The following MDM4 variants were observed in gnomAD, a reference collection of about 807,000 sequenced individuals.
MDM4 encodes MDM4 regulator of p53, also known as protein Mdm4.
MDM4 carries 2 observed loss-of-function variants against 60.2 expected under a neutral mutation model. The observed-to-expected ratio is 0.03, with a 90% CI of 0.01 to 0.10. The LOEUF (loss-of-function observed/expected upper bound fraction) is 0.10. MDM4 is among the 10% of genes least tolerant of loss of function. MDM4 has a pLI of 1.00. For synonymous variants in MDM4, 202 were observed against 198.1 expected (o/e 1.02, Z -0.17); for missense variants, 447 against 577.5 (o/e 0.77, Z 2.32).
chr1:204,542,954 A>G lies in MDM4; in HGVS notation c.672+10A>G. On this transcript the variant is annotated intron_variant, in intron 8 of 10. Coordinates refer to ENST00000367182, the MANE Select transcript of MDM4 (RefSeq NM_002393.5). Reference sequence around the variant, plus strand: ...TTTACAGACAAATCAGGTAAATTTCACATTTGAAGGGAAGTGGTTTTTTTT... The same window carrying G: ...TTTACAGACAAATCAGGTAAATTTCGCATTTGAAGGGAAGTGGTTTTTTTT... 6.2e-7 allele frequency: 1 copy of G among 1,604,146 alleles called. No individual in the cohort carries two copies. Among genetic ancestry groups the G allele is most frequent in the Non-Finnish European group, 8.5e-7 (1 of 1,175,792 alleles).
chr1:204,529,649 T>TG, intron 3 of MDM4: 1 of 835,180 alleles, frequency 1.2e-6, no homozygotes, highest in Non-Finnish European at 1.8e-6. Context: ...TCCTGGCGCT[T>TG]GCCCTGCATC....
intron 7 of MDM4, 123 bp from the exon 8 acceptor site, chr1:204,542,661 T>G (rs780252881): frequency 3.2e-5 from 23 of 728,078 alleles, no homozygotes; most frequent in East Asian, 2.3e-4. Flanking sequence ...TTTCTGGTTC[T>G]TTCTTTCTTA....
intron 1 of MDM4, among the ~76,000 whole-genome samples, chr1:204,517,474 G>C (rs1438415650): frequency 1.3e-5 from 2 of 151,824 alleles, no homozygotes; most frequent in Non-Finnish European, 2.9e-5. Flanking sequence ...CGCGATCTTG[G>C]CTCACTGCAA....
At chr1:204,526,747 G>T (rs1660216610) in intron 3 of MDM4, among the ~76,000 whole-genome samples, 1 of 152,114 alleles carries the variant, frequency 6.6e-6, no homozygotes, top group Admixed American at 6.5e-5. Context: ...ACAGGCATGA[G>T]CCACCGCGCC....
At chr1:204,540,017 C>T (rs1489362581) in intron 7 of MDM4, among the ~76,000 whole-genome samples, 1 of 151,640 alleles carries the variant, frequency 6.6e-6, no homozygotes, top group Non-Finnish European at 1.5e-5. Flanking sequence ...CGCGGTGGCT[C>T]ACGCCTGTAA....
Position 204,542,770 on chromosome 1 carries a change from T to C in MDM4, c.512-14T>C. 1 of 1,594,140 alleles carries C rather than the reference T, an allele frequency of 6.3e-7. No homozygotes were observed. The stretch of plus-strand genomic sequence containing the variant: ...TTGTGCATAGTTATCATTCTTTTCA[T>C]TTGACTTCTATAGATGAAGACTTAA... On this transcript the variant is annotated splice_polypyrimidine_tract_variant and intron_variant, in intron 7 of 10. Coordinates refer to ENST00000367182, the MANE Select transcript of MDM4 (RefSeq NM_002393.5).
At chr1:204,544,510 C>T (rs2102427773) in intron 8 of MDM4, 25 bp from the exon 9 acceptor site, 1 of 1,587,144 alleles carries the variant, frequency 6.3e-7, no homozygotes, top group Non-Finnish European at 8.6e-7. Context: ...AATACAGAAA[C>T]TCATGTTTGT....
chr1:204,535,538 G>C (rs1194216940), intron 5 of MDM4, among the ~76,000 whole-genome samples: 1 of 150,302 alleles, frequency 6.7e-6, no homozygotes, highest in Non-Finnish European at 1.5e-5. Flanking sequence ...CTTTGTGTGT[G>C]TTTATTAATT....
At chr1:204,523,603 C>G (rs958602444) in intron 1 of MDM4, among the ~76,000 whole-genome samples, 4 of 146,860 alleles carry the variant, frequency 2.7e-5, no homozygotes, top group Non-Finnish European at 5.9e-5. Context: ...CATGCCTCAG[C>G]TTCCTTAGTA....
rs1455269564 is a variant in MDM4 at position 204,557,026 on chromosome 1, G to A, written c.*7344G>A. 1 of 205,222 alleles carries A rather than the reference G, an allele frequency of 4.9e-6. No homozygotes were observed. The highest frequency in any genetic ancestry group is 2.3e-5 in the African/African-American group (1 of 43,716). 12.7% of individuals were successfully genotyped at this position (205,222 alleles called of 1,614,324 possible). A position where few individuals can be genotyped will look rare whatever the true frequency, so the allele number is the denominator to read the frequency against. The stretch of plus-strand genomic sequence containing the variant: ...CAGTTTTTCTCATATATAAAAAGCA[G>A]TATACATACCTACCCTTTTCTACCT... On this transcript the variant is annotated 3_prime_UTR_variant, in exon 11 of 11. Transcript: ENST00000367182.
chr1:204,520,868 C>T (rs1659504020), intron 1 of MDM4, among the ~76,000 whole-genome samples: 1 of 151,858 alleles, frequency 6.6e-6, no homozygotes. Context: ...AGAACAATAC[C>T]CTGTCTCAAA....
chr1:204,549,130 T>C lies in MDM4; in HGVS notation c.921T>C (p.Thr307=). ...EVTSEDEWQC[T]ECKKFNSPSK... ...CTTTGTAGGATGAGTGGCAGTGTACTGAATGCAAGAAATTTAACTCTCCAA... is the reference window on the plus strand; with the variant it reads ...CTTTGTAGGATGAGTGGCAGTGTACCGAATGCAAGAAATTTAACTCTCCAA... Residue 307 remains threonine (T), a synonymous_variant, in exon 11 of 11, where the codon ACT becomes ACC. Coordinates refer to ENST00000367182, the MANE Select transcript of MDM4 (RefSeq NM_002393.5). The C allele has an allele frequency of 1.2e-6, 2 of 1,609,196 alleles. No individual in the cohort carries two copies. Among genetic ancestry groups the C allele is most frequent in the Non-Finnish European group, 1.7e-6 (2 of 1,176,736 alleles).
chr1:204,529,760 A>G (rs1660672133), intron 3 of MDM4: 2 of 404,114 alleles, frequency 4.9e-6, no homozygotes, highest in African/African-American at 2.1e-5. Context: ...TATAGTGGTT[A>G]TGATGAATTA....
intron 3 of MDM4, among the ~76,000 whole-genome samples, chr1:204,528,344 T>C (rs754923042): frequency 6.6e-6 from 1 of 152,158 alleles, no homozygotes; most frequent in African/African-American, 2.4e-5. Context: ...CAAGGATTTA[T>C]GGGTGTGATG....
At chr1:204,519,681 G>A (rs939614598) in intron 1 of MDM4, among the ~76,000 whole-genome samples, 1 of 152,052 alleles carries the variant, frequency 6.6e-6, no homozygotes, top group Non-Finnish European at 1.5e-5. Flanking sequence ...GGATTAGGTG[G>A]TACACGCCTG....
In MDM4 at chr1:204,549,309, C is replaced by T. The variant is rs201947927; in HGVS notation, c.1100C>T (p.Ser367Leu). Residue 367 changes from serine (S) to leucine (L), a missense_variant, in exon 11 of 11, where the codon TCG becomes TTG. This residue lies in a region of MDM4 where 117 missense variants were observed against 114.5 expected (regional missense o/e 1.02). Coordinates refer to ENST00000367182, the MANE Select transcript of MDM4 (RefSeq NM_002393.5). ...NDVPDCRRTI[S>L]APVVRPKDAY... is the part of the protein sequence containing the mutation. ...GTCCCTGATTGTCGAAGAACCATTTCGGCTCCTGTCGTTAGACCTAAAGAT... is the reference window on the plus strand; with the variant it reads ...GTCCCTGATTGTCGAAGAACCATTTTGGCTCCTGTCGTTAGACCTAAAGAT... 3.6e-5 allele frequency: 58 copies of T among 1,614,110 alleles called. No individual in the cohort carries two copies. Among genetic ancestry groups the T allele is most frequent in the Admixed American group, 1.7e-4 (10 of 60,026 alleles).
intron 1 of MDM4, among the ~76,000 whole-genome samples, chr1:204,519,124 A>G (rs1467975037): frequency 2.0e-5 from 3 of 152,230 alleles, no homozygotes; most frequent in South Asian, 4.1e-4. Flanking sequence ...GAGGCTCAAG[A>G]TACGACTAAA....
At position 204,556,308 on chromosome 1, in the gene MDM4, G is replaced by A; in HGVS notation, c.*6626G>A. 1 of 227,474 alleles carries A rather than the reference G, an allele frequency of 4.4e-6. No individual in the cohort carries two copies. The highest frequency in any genetic ancestry group is 6.3e-5 in the East Asian group (1 of 15,910). The allele number at this position is 227,474 out of a possible 1,614,324, so 14.1% of individuals were successfully genotyped here. On this transcript the variant is annotated 3_prime_UTR_variant, in exon 11 of 11. Coordinates refer to ENST00000367182, the MANE Select transcript of MDM4 (RefSeq NM_002393.5). Reference sequence around the variant, plus strand: ...GTAGATGGGAAGCTGTGATGGCAGAGCTACTATCTAATAAAGTAACAACTC... The same window carrying A: ...GTAGATGGGAAGCTGTGATGGCAGAACTACTATCTAATAAAGTAACAACTC...
Position 204,542,906 on chromosome 1 carries a change from C to T in MDM4, c.634C>T (p.Pro212Ser), listed in dbSNP as rs1558330791. The stretch of plus-strand genomic sequence containing the variant: ...AGGAAACTTGAGAAGCAACTATACA[C>T]CTAGAAGTAATGGCTCAACTGATTT... ...FLGNLRSNYT[P>S]RSNGSTDLQT... Residue 212 changes from proline to serine, a missense_variant, in exon 8 of 11, where the codon CCT becomes TCT. Pro to Ser is a moderately conservative substitution (Grantham distance 74). Transcript: ENST00000367182. 1 of 1,613,314 alleles carries T rather than the reference C, an allele frequency of 6.2e-7. No homozygotes were observed. Among genetic ancestry groups the T allele is most frequent in the Middle Eastern group, 1.7e-4 (1 of 6,060 alleles).
Sources: gnomAD v4.1 joint callset for allele counts (sites outside exome capture counted in the v4.1 genomes callset) on GRCh38, gnomAD v4.1.1 for gene constraint, gnomAD v4.1.1 regional missense constraint, MANE v1.5 for transcripts, NCBI Gene and HGNC (gene_info 2026-07-23, HGNC 2026-07-21) for gene names.